The following RUFY1 variants were observed in gnomAD, a reference collection of about 807,000 sequenced individuals.
RUFY1 encodes RUN and FYVE domain-containing protein 1.
In RUFY1, 54 loss-of-function variants were observed where a neutral mutation model predicts 94.6. The ratio of observed to expected loss-of-function variants is 0.57; its 90% CI spans 0.46 to 0.72. The LOEUF (loss-of-function observed/expected upper bound fraction) is 0.72, where lower values mean the gene tolerates loss of function less well. RUFY1 is among the 30% of genes least tolerant of loss of function. The pLI is 0.00. For synonymous variants in RUFY1, 396 were observed against 347.3 expected (o/e 1.14, Z -1.56); for missense variants, 883 against 883.9 (o/e 1.00, Z 0.01).
intron 16 of RUFY1, 117 bp from the exon 17 acceptor site, chr5:179,607,463 AAC>A (rs1161562222): frequency 9.9e-6 from 8 of 805,202 alleles, no homozygotes; most frequent in Admixed American, 3.8e-5. Flanking sequence ...CTGATGGAGA[AAC>A]AGTGCCTCAC....
chr5:179,562,152 G>A (rs1014120603), intron 2 of RUFY1, among the ~76,000 whole-genome samples: 16 of 151,698 alleles, frequency 1.1e-4, no homozygotes, highest in African/African-American at 2.9e-4. Flanking sequence ...TGTGGCTCAC[G>A]CCTGTTATCC....
intron 17 of RUFY1, among the ~76,000 whole-genome samples, chr5:179,608,956 G>A (rs1049515488): frequency 2.7e-5 from 4 of 147,152 alleles, no homozygotes; most frequent in Non-Finnish European, 1.5e-5. Flanking sequence ...GGTGTTTCAC[G>A]CCTGTAATCC....
chr5:179,607,188 C>G (rs973943322), intron 16 of RUFY1: 1 of 238,502 alleles, frequency 4.2e-6, no homozygotes, highest in African/African-American at 2.3e-5. Flanking sequence ...CCTTCTTCCG[C>G]GCCTGCCAGT....
At chr5:179,599,190 G>A (rs1337941842) in intron 14 of RUFY1, 2 of 198,222 alleles carry the variant, frequency 1.0e-5, no homozygotes, top group Non-Finnish European at 1.0e-5. Context: ...GAGCAAAGAG[G>A]CGGCCTCAGG....
chr5:179,583,553 A>G (rs1326820245), intron 7 of RUFY1, among the ~76,000 whole-genome samples: 1 of 145,278 alleles, frequency 6.9e-6, no homozygotes, highest in African/African-American at 2.5e-5. Context: ...AGTAGCTGGA[A>G]CTACAGGCAC....
rs1764869770 is a variant in RUFY1, at chr5:179,589,563, C to A, written c.1044C>A (p.Asp348Glu). 1.9e-6 allele frequency: 3 copies of A among 1,613,876 alleles called. No homozygotes were observed. The highest frequency in any genetic ancestry group is 2.5e-6 in the Non-Finnish European group (3 of 1,179,810). ...TTAATCAGCTTTCAGCTGCAACAGA[C>A]CGAATTTGCTCACTTCAAGAAGAAC... ...KLQEELSAAT[D>E]RICSLQEEQQ... Residue 348 changes from aspartate (D) to glutamate (E), a missense_variant, in exon 9 of 18, where the codon GAC (aspartate) becomes GAA (glutamate). Coordinates refer to ENST00000319449, the MANE Select transcript of RUFY1 (RefSeq NM_025158.5).
intron 2 of RUFY1, among the ~76,000 whole-genome samples, chr5:179,562,271 C>T (rs1337594548): frequency 6.6e-6 from 1 of 151,906 alleles, no homozygotes; most frequent in Non-Finnish European, 1.5e-5. Context: ...ATTAGCCCGG[C>T]GTTGTGGGCA....
intron 6 of RUFY1, among the ~76,000 whole-genome samples, chr5:179,578,055 A>G (rs1763798405): frequency 6.6e-6 from 1 of 152,110 alleles, no homozygotes; most frequent in Non-Finnish European, 1.5e-5. Context: ...CTCCATGTCA[A>G]TCTCATTCCT....
intron 12 of RUFY1, 45 bp downstream of exon 12, chr5:179,595,008 A>G: frequency 7.4e-7 from 1 of 1,349,498 alleles, no homozygotes; most frequent in Non-Finnish European, 1.1e-6. Flanking sequence ...GGCTCTGAGC[A>G]TTCCCTGGGC....
At chr5:179,602,561 G>C (rs903576425) in intron 15 of RUFY1, 1 of 152,576 alleles carries the variant, frequency 6.6e-6, no homozygotes, top group African/African-American at 2.4e-5. Flanking sequence ...CTGGGCCTTG[G>C]GGTGGATCAC....
At chr5:179,568,455 C>T (rs1359902645) in intron 4 of RUFY1, among the ~76,000 whole-genome samples, 1 of 152,174 alleles carries the variant, frequency 6.6e-6, no homozygotes, top group Admixed American at 6.5e-5. Context: ...CCAAGCCTTT[C>T]AGTGTTTTCA....
At chr5:179,597,322 G>A (rs1233426386) in intron 13 of RUFY1, among the ~76,000 whole-genome samples, 1 of 151,890 alleles carries the variant, frequency 6.6e-6, no homozygotes, top group Non-Finnish European at 1.5e-5. Context: ...TGCAACCTCT[G>A]CCTCCCGGGT....
Position 179,550,892 on chromosome 5 carries a change from C to G in RUFY1, c.310+13C>G, listed in dbSNP as rs1376864372. ...ACGGCGCGCGCAGGTAGGCTCGGGC[C>G]GGGTCTGTCCCGCGGCGGACTCGCG... On this transcript the variant is annotated intron_variant, in intron 1 of 17. Coordinates refer to ENST00000319449, the MANE Select transcript of RUFY1 (RefSeq NM_025158.5). 1.8e-6 allele frequency: 2 copies of G among 1,133,848 alleles called. No homozygotes were observed. The highest frequency in any genetic ancestry group is 4.9e-5 in the Admixed American group (1 of 20,332). The allele number at this position is 1,133,848 out of a possible 1,614,324, so 70.2% of individuals were successfully genotyped here. A position where few individuals can be genotyped will look rare whatever the true frequency, so the allele number is the denominator to read the frequency against.
At chr5:179,561,700 T>TTTTTTTTTTTTTTTTTTTTTTTG (rs764059834) in intron 2 of RUFY1, among the ~76,000 whole-genome samples, 5 of 95,536 alleles carry the variant, frequency 5.2e-5, no homozygotes, top group African/African-American at 1.3e-4. Context: ...TTTTTTTTTT[T>TTTTTTTTTTTTTTTTTTTTTTTG]TTTGAAGAGT....
Position 179,609,744 on chromosome 5 carries a change from A to G in RUFY1, c.*225A>G. On this transcript the variant is annotated 3_prime_UTR_variant, in exon 18 of 18. Coordinates refer to ENST00000319449, the MANE Select transcript of RUFY1 (RefSeq NM_025158.5). The stretch of plus-strand genomic sequence containing the variant: ...ATGGAAACTTCCATCTTACTTGGTT[A>G]CATCACGGCTCTGGTTCAGATACAA... The G allele has an allele frequency of 2.1e-6, 1 of 474,430 alleles. No homozygotes were observed. The allele number at this position is 474,430 out of a possible 1,614,324, so 29.4% of individuals were successfully genotyped here. A position where few individuals can be genotyped will look rare whatever the true frequency, so the allele number is the denominator to read the frequency against.
intron 17 of RUFY1, 35 bp downstream of exon 17, chr5:179,607,694 T>G (rs758361910): frequency 2.6e-6 from 4 of 1,566,966 alleles, no homozygotes; most frequent in Admixed American, 1.7e-5. Flanking sequence ...CCCAGTGCCC[T>G]GAGTCGTTGC....
intron 15 of RUFY1, among the ~76,000 whole-genome samples, chr5:179,604,415 G>A (rs1484263530): frequency 3.3e-5 from 5 of 152,160 alleles, no homozygotes; most frequent in African/African-American, 1.2e-4. Flanking sequence ...AGTTTGCCTT[G>A]TTGACCTGGC....
chr5:179,607,527 C>T, intron 16 of RUFY1, 55 bp from the exon 17 acceptor site: 1 of 1,460,660 alleles, frequency 6.8e-7, no homozygotes, highest in Non-Finnish European at 9.6e-7. Flanking sequence ...CGCAGCTACC[C>T]ACTCATCAGG....
At chr5:179,575,833 G>A (rs188713941) in intron 5 of RUFY1, among the ~76,000 whole-genome samples, 25 of 152,214 alleles carry the variant, frequency 1.6e-4, no homozygotes, top group Middle Eastern at 3.4e-3. Flanking sequence ...CCAGGCTGGA[G>A]TGCAGTGGCA....
Sources: gnomAD v4.1 joint callset for allele counts (sites outside exome capture counted in the v4.1 genomes callset) on GRCh38, gnomAD v4.1.1 for gene constraint, MANE v1.5 for transcripts, NCBI Gene and HGNC (gene_info 2026-07-23, HGNC 2026-07-21) for gene names.